KIF2A: variants seen among roughly 807,000 people sequenced by gnomAD.
KIF2A encodes kinesin family member 2A.
Under a neutral mutation model 100.2 loss-of-function variants are expected in KIF2A, and 22 were observed. That is an observed-to-expected ratio of 0.22 (90% confidence interval 0.16 to 0.31). The LOEUF is 0.31. Ranked by LOEUF, KIF2A falls within the 10% of genes least tolerant of loss-of-function variation. KIF2A has a pLI of 1.00. For missense variants in KIF2A, 495 were observed against 898.7 expected, an observed-to-expected ratio of 0.55 and a Z score of 5.74; for synonymous variants, 268 against 285.9, an observed-to-expected ratio of 0.94 and a Z score of 0.63.
intron 1 of KIF2A, among the ~76,000 whole-genome samples, chr5:62,307,468 T>G (rs1745365728): frequency 6.6e-6 from 1 of 151,986 alleles, no homozygotes; most frequent in African/African-American, 2.4e-5. Flanking sequence ...TGGAGTGAGA[T>G]ACGCCAGCCA....
intron 1 of KIF2A, among the ~76,000 whole-genome samples, chr5:62,323,237 C>T (rs1414236986): frequency 3.6e-5 from 5 of 137,356 alleles, no homozygotes; most frequent in East Asian, 2.1e-4. Flanking sequence ...GCCTGGGCAA[C>T]GAGCGAAACT....
At chr5:62,349,879 G>A (rs1363310788) in intron 3 of KIF2A, among the ~76,000 whole-genome samples, 187 bp from the exon 4 acceptor site, 1 of 152,072 alleles carries the variant, frequency 6.6e-6, no homozygotes, top group African/African-American at 2.4e-5. Flanking sequence ...GAGGGTAGGG[G>A]AAAATATATA....
At chr5:62,343,183 A>C (rs563764007) in intron 1 of KIF2A, among the ~76,000 whole-genome samples, 68 of 152,260 alleles carry the variant, frequency 4.5e-4, no homozygotes, top group African/African-American at 1.6e-3. Flanking sequence ...TCCACTGGTT[A>C]TTTACCTAAT....
Position 62,358,272 on chromosome 5 carries a change from A to T in KIF2A, c.845A>T (p.Asp282Val). Reference sequence around the variant, plus strand: ...TTTCGTTTTGATTATGCCTTTGATGACTCAGCTCCTAATGAAATGGTTTAC... The same window carrying T: ...TTTCGTTTTGATTATGCCTTTGATGTCTCAGCTCCTAATGAAATGGTTTAC... ...QTFRFDYAFDDSAPNEMVYRF... is the reference protein window; with the variant it reads ...QTFRFDYAFDVSAPNEMVYRF... Residue 282 changes from aspartate (D) to valine (V), a missense_variant, in exon 9 of 21, where the codon GAC becomes GTC. Asp to Val is a radical substitution (Grantham distance 152). Around this residue, in one of 10 missense-constraint regions of KIF2A, gnomAD observed 109 missense variants for 244.2 expected, o/e 0.45. Transcript: ENST00000407818. 1.3e-6 allele frequency: 2 copies of T among 1,588,390 alleles called. No homozygotes were observed. Among genetic ancestry groups the T allele is most frequent in the Non-Finnish European group, 8.5e-7 (1 of 1,172,368 alleles).
At chr5:62,358,526 AC>A in intron 9 of KIF2A, among the ~76,000 whole-genome samples, 1 of 152,328 alleles carries the variant, frequency 6.6e-6, no homozygotes, top group Non-Finnish European at 1.5e-5. Context: ...TTAGCTTATT[AC>A]ACATATATAT....
intron 5 of KIF2A, 77 bp from the exon 6 acceptor site, chr5:62,353,198 G>C: frequency 1.5e-6 from 1 of 680,836 alleles, no homozygotes. Flanking sequence ...GTGTGGTGAA[G>C]TTATACATAA....
rs139442261 is a variant in KIF2A at position 62,373,731 on chromosome 5, G to A, written c.1805G>A (p.Arg602His). 2.4e-5 allele frequency: 39 copies of A among 1,613,388 alleles called. No homozygotes were observed. Among genetic ancestry groups the A allele is most frequent in the Middle Eastern group, 3.3e-4 (2 of 6,062 alleles). Reference sequence around the variant, plus strand: ...GATCCAACTGCTGCTGGTGATGTTCGTCCAATAATGCACCATCCACCAAAC... The same window carrying A: ...GATCCAACTGCTGCTGGTGATGTTCATCCAATAATGCACCATCCACCAAAC... ...TVDPTAAGDVRPIMHHPPNQI... is the reference protein window; with the variant it reads ...TVDPTAAGDVHPIMHHPPNQI... The change falls in exon 18 of 21, where the codon CGT becomes CAT. Residue 602 changes from arginine to histidine, a missense_variant. Coordinates refer to ENST00000407818, the MANE Select transcript of KIF2A (RefSeq NM_001098511.3).
At chr5:62,341,392 C>T (rs560648254) in intron 1 of KIF2A, among the ~76,000 whole-genome samples, 3 of 151,968 alleles carry the variant, frequency 2.0e-5, no homozygotes, top group Non-Finnish European at 4.4e-5. Flanking sequence ...CCTTGACCTC[C>T]TAGGCTCAAG....
At chr5:62,375,046 T>G (rs1331947618) in intron 18 of KIF2A, among the ~76,000 whole-genome samples, 1 of 152,222 alleles carries the variant, frequency 6.6e-6, no homozygotes, top group Non-Finnish European at 1.5e-5. Flanking sequence ...TAAATCTGAT[T>G]GCTTTTCTGT....
intron 5 of KIF2A, 100 bp from the exon 6 acceptor site, chr5:62,353,175 A>G: frequency 1.7e-6 from 1 of 585,370 alleles, no homozygotes; most frequent in Non-Finnish European, 2.9e-6. Flanking sequence ...GTCACTGTGT[A>G]CCTTTTATGT....
intron 16 of KIF2A, among the ~76,000 whole-genome samples, chr5:62,371,131 G>A (rs943992879): frequency 6.6e-6 from 1 of 152,028 alleles, no homozygotes; most frequent in African/African-American, 2.4e-5. Flanking sequence ...GCCGGGGGTG[G>A]TGGCACACCA....
chr5:62,352,085 G>A (rs980401168), intron 4 of KIF2A, among the ~76,000 whole-genome samples: 2 of 151,010 alleles, frequency 1.3e-5, no homozygotes, highest in Non-Finnish European at 2.9e-5. Flanking sequence ...CCTGGGAGGC[G>A]GAGGTCACAG....
intron 4 of KIF2A, among the ~76,000 whole-genome samples, chr5:62,350,965 C>T (rs1303588286): frequency 2.0e-5 from 3 of 151,818 alleles, no homozygotes; most frequent in Non-Finnish European, 4.4e-5. Context: ...GGAACGGTGG[C>T]TCACCCCTGA....
At position 62,373,665 on chromosome 5, in the gene KIF2A, G is replaced by A. The variant is rs201372733; in HGVS notation, c.1761-22G>A. On this transcript the variant is annotated intron_variant, in intron 17 of 20. Transcript: ENST00000407818. ...CTCTGCATGAGTGTTTTTAACTTTA[G>A]ATACCTCTTATGTATTTATAGGGTC... 5.3e-4 allele frequency: 848 copies of A among 1,598,234 alleles called. 1 individual carries two copies. The highest frequency in any genetic ancestry group is 6.6e-4 in the Non-Finnish European group (776 of 1,167,470).
chr5:62,362,584 TATAAC>T, intron 12 of KIF2A, 43 bp downstream of exon 12: 2 of 864,896 alleles, frequency 2.3e-6, no homozygotes, highest in South Asian at 2.4e-5. Context: ...AAAATATATA[TATAAC>T]ATAACATTTG....
intron 19 of KIF2A, among the ~76,000 whole-genome samples, chr5:62,380,095 G>A (rs900204615): frequency 6.6e-6 from 1 of 152,130 alleles, no homozygotes; most frequent in African/African-American, 2.4e-5. Flanking sequence ...GTTTCACCAT[G>A]TTGGCCCGGC....
intron 1 of KIF2A, among the ~76,000 whole-genome samples, chr5:62,339,882 A>G (rs1747195829): frequency 6.6e-6 from 1 of 151,694 alleles, no homozygotes; most frequent in Non-Finnish European, 1.5e-5. Flanking sequence ...TGATAAAACT[A>G]TAAAGAAAAG....
Position 62,389,119 on chromosome 5 carries a change from T to A in KIF2A, c.*3550T>A. The A allele has an allele frequency of 7.4e-7, 1 of 1,346,566 alleles. No homozygotes were observed. 83.4% of individuals were successfully genotyped at this position (1,346,566 alleles called of 1,614,324 possible). A position where few individuals can be genotyped will look rare whatever the true frequency, so the allele number is the denominator to read the frequency against. ...TTTGTAGCACATAACGGTATATAGT[T>A]CTATACCATTAATACTAAAACATGA... On this transcript the variant is annotated 3_prime_UTR_variant, in exon 21 of 21. Transcript: ENST00000407818.
Position 62,348,055 on chromosome 5 carries a change from T to G in KIF2A, c.167T>G (p.Leu56Arg). Residue 56 changes from leucine to arginine, a missense_variant, in exon 3 of 21, where the codon CTG (leucine) becomes CGG (arginine). Coordinates refer to ENST00000407818, the MANE Select transcript of KIF2A (RefSeq NM_001098511.3). ...NGDTKGKEID[L>R]ESIFSLNPDL... ...TGTATGTGTTGTGAACAGATTGACC[T>G]GGAGAGCATCTTTTCACTTAACCCT... 6.2e-7 allele frequency: 1 copy of G among 1,613,804 alleles called. No individual in the cohort carries two copies. The highest frequency in any genetic ancestry group is 8.5e-7 in the Non-Finnish European group (1 of 1,179,726).
Sources: gnomAD v4.1 joint callset for allele counts (sites outside exome capture counted in the v4.1 genomes callset) on GRCh38, gnomAD v4.1.1 for gene constraint, gnomAD v4.1.1 regional missense constraint, MANE v1.5 for transcripts, NCBI Gene and HGNC (gene_info 2026-07-23, HGNC 2026-07-21) for gene names.